KLHL29: variants seen among roughly 807,000 people sequenced by gnomAD.
KLHL29 encodes kelch like family member 29, also known as kelch-like protein 29.
A neutral mutation model predicts 80.4 loss-of-function variants in KLHL29; 21 were observed. The observed-to-expected ratio is 0.26, with a 90% confidence interval of 0.19 to 0.38. The LOEUF (loss-of-function observed/expected upper bound fraction) is 0.38, where lower values mean the gene tolerates loss of function less well. Among genes scored for constraint, KLHL29 ranks in the 10% least tolerant of loss-of-function variants. KLHL29 has a pLI of 1.00. For missense variants in KLHL29, 867 were observed against 1,223.9 expected (o/e 0.71, Z 4.35); for synonymous variants, 511 against 526.8 (o/e 0.97, Z 0.41).
intron 1 of KLHL29, among the ~76,000 whole-genome samples, chr2:23,394,191 A>G (rs186059787): frequency 3.2e-4 from 48 of 152,286 alleles, no homozygotes; most frequent in Non-Finnish European, 6.3e-4. Context: ...CAAAAAACAA[A>G]AACAATCTTC....
intron 3 of KLHL29, among the ~76,000 whole-genome samples, chr2:23,567,998 G>T (rs964005475): frequency 6.6e-6 from 1 of 152,196 alleles, no homozygotes; most frequent in African/African-American, 2.4e-5. Flanking sequence ...CAGTTTGATT[G>T]TGTATTCATT....
At chr2:23,575,960 G>A (rs1158818104) in intron 3 of KLHL29, among the ~76,000 whole-genome samples, 1 of 152,226 alleles carries the variant, frequency 6.6e-6, no homozygotes, top group African/African-American at 2.4e-5. Flanking sequence ...GAGCTGGGCT[G>A]AAAGTGAGGC....
At position 23,672,821 on chromosome 2, in the gene KLHL29, C is replaced by T. The variant is rs146614631; in HGVS notation, c.941-11578C>T. 1,366 of 152,418 alleles carry T rather than the reference C, an allele frequency of 9.0e-3. 11 individuals carry two copies. Among genetic ancestry groups the T allele is most frequent in the South Asian group, 0.017 (84 of 4,818 alleles). The allele number at this position is 152,418 out of a possible 1,614,324, so 9.4% of individuals were successfully genotyped here. A position where few individuals can be genotyped will look rare whatever the true frequency, so the allele number is the denominator to read the frequency against. On this transcript the variant is annotated intron_variant, in intron 5 of 13. Coordinates refer to ENST00000486442, the MANE Select transcript of KLHL29 (RefSeq NM_052920.2). ...TTGCCTACGGCCTGGGAAATTCAGACGAGGGGTCAGAAAGGGCTGGAATGG... is the reference window on the plus strand; with the variant it reads ...TTGCCTACGGCCTGGGAAATTCAGATGAGGGGTCAGAAAGGGCTGGAATGG...
chr2:23,606,779 C>T (rs1668738693), intron 3 of KLHL29, among the ~76,000 whole-genome samples: 1 of 152,220 alleles, frequency 6.6e-6, no homozygotes, highest in African/African-American at 2.4e-5. Context: ...CACTCAATGG[C>T]AGGCACTGTC....
chr2:23,405,774 C>T (rs1300447963), intron 1 of KLHL29, among the ~76,000 whole-genome samples: 3 of 152,132 alleles, frequency 2.0e-5, no homozygotes, highest in Middle Eastern at 3.2e-3. Context: ...TTTCTGAAGC[C>T]AGGAGTCAAG....
chr2:23,526,408 G>A (rs954463534), intron 2 of KLHL29, among the ~76,000 whole-genome samples: 2 of 152,238 alleles, frequency 1.3e-5, no homozygotes, highest in Admixed American at 6.5e-5. Context: ...ACTAAGGAAC[G>A]CCGAGGAGGC....
chr2:23,523,879 T>G, intron 2 of KLHL29: 1 of 415,174 alleles, frequency 2.4e-6, no homozygotes, highest in South Asian at 1.8e-5. Flanking sequence ...CTGTTTGTAC[T>G]GCTTGGACTT....
chr2:23,599,262 C>T (rs375668864), intron 3 of KLHL29, among the ~76,000 whole-genome samples: 32 of 152,204 alleles, frequency 2.1e-4, no homozygotes, highest in African/African-American at 7.5e-4. Flanking sequence ...ATGCCCTGGT[C>T]CCTGTTTCTT....
rs565335304 is a variant in KLHL29 at position 23,706,859 on chromosome 2, G to A, written c.*195G>A. Reference sequence around the variant, plus strand: ...CCTTTGGATGAAACGGAGGCACCGCGCTTGGAGCCGCAGGAACCACGATCC... The same window carrying A: ...CCTTTGGATGAAACGGAGGCACCGCACTTGGAGCCGCAGGAACCACGATCC... On this transcript the variant is annotated 3_prime_UTR_variant, in exon 14 of 14. Coordinates refer to ENST00000486442, the MANE Select transcript of KLHL29 (RefSeq NM_052920.2). 8 of 505,982 alleles carry A rather than the reference G, an allele frequency of 1.6e-5. No homozygotes were observed. The highest frequency in any genetic ancestry group is 2.3e-5 in the Non-Finnish European group (7 of 298,166). The allele number at this position is 505,982 out of a possible 1,614,324, so 31.3% of individuals were successfully genotyped here.
chr2:23,490,746 C>A (rs1314635566), intron 2 of KLHL29, among the ~76,000 whole-genome samples: 2 of 152,146 alleles, frequency 1.3e-5, no homozygotes, highest in African/African-American at 4.8e-5. Context: ...AGTATTAATG[C>A]TGGTTCATAC....
rs1308060703 is a variant in KLHL29, at chr2:23,539,412, T to TGCTA, written c.-45-22737_-45-22734dup. Among the ~76,000 whole-genome samples the TGCTA allele has an allele frequency of 4.6e-5, 7 of 151,536 alleles. No individual in the cohort carries two copies. The East Asian group carries it at 1.4e-3, about 29-fold the overall frequency. ...TAATCCTAGCAGACTGATGATGCTT[T>TGCTA]GCTAGCCTTATCCTGCCTCCTTTTT... On this transcript the variant is annotated intron_variant, in intron 2 of 13. Transcript: ENST00000486442.
chr2:23,631,657 A>G (rs1252995772), intron 3 of KLHL29, among the ~76,000 whole-genome samples: 2 of 152,214 alleles, frequency 1.3e-5, no homozygotes, highest in Non-Finnish European at 2.9e-5. Flanking sequence ...AACTGCGATT[A>G]TCTTCTCATT....
chr2:23,455,605 A>ATTT (rs397873479), intron 1 of KLHL29, among the ~76,000 whole-genome samples: 218 of 105,944 alleles, frequency 2.1e-3, no homozygotes, highest in Non-Finnish European at 2.9e-3. Context: ...TGGTCTCCTG[A>ATTT]TTTTTTTTTT....
chr2:23,439,227 G>A (rs1232872107), intron 1 of KLHL29, among the ~76,000 whole-genome samples: 2 of 151,804 alleles, frequency 1.3e-5, no homozygotes, highest in East Asian at 1.9e-4. Context: ...CTTGCTAGTG[G>A]TCTATCAATT....
chr2:23,602,608 C>T (rs941847692), intron 3 of KLHL29, among the ~76,000 whole-genome samples: 6 of 138,050 alleles, frequency 4.3e-5, no homozygotes, highest in Non-Finnish European at 6.2e-5. Context: ...AGCTGCTCTA[C>T]GTGAATTTTT....
At chr2:23,436,280 T>TTGTGTGTGTGTGAGTG (rs1663339017) in intron 1 of KLHL29, among the ~76,000 whole-genome samples, 1 of 136,946 alleles carries the variant, frequency 7.3e-6, no homozygotes, top group Non-Finnish European at 1.6e-5. Flanking sequence ...CCAATCAGCT[T>TTGTGTGTGTGTGAGTG]TGTGTGTGTG....
chr2:23,562,455 A>G lies in KLHL29; in HGVS notation c.259A>G (p.Ser87Gly). 6.5e-7 allele frequency: 1 copy of G among 1,536,466 alleles called. No individual in the cohort carries two copies. Among genetic ancestry groups the G allele is most frequent in the Non-Finnish European group, 8.7e-7 (1 of 1,146,750 alleles). The change falls in exon 3 of 14, where the codon AGC becomes GGC. Residue 87 changes from serine (S) to glycine (G), a missense_variant. By Grantham distance (56) the Ser-to-Gly change is moderately conservative. Coordinates refer to ENST00000486442, the MANE Select transcript of KLHL29 (RefSeq NM_052920.2). This position sits in a 1 kb window ranked among gnomAD's most constrained non-coding sequence, Gnocchi z 4.5. ...CGAGGCCATCACCAGCCTCGTGGCC[A>G]GCTCTGCGTCTGCGGTCACCACCAA... ...SSEAITSLVA[S>G]SASAVTTKAP... is the part of the protein sequence containing the mutation.
intron 1 of KLHL29, among the ~76,000 whole-genome samples, chr2:23,465,990 T>C (rs1035596420): frequency 1.3e-5 from 2 of 151,746 alleles, no homozygotes; most frequent in African/African-American, 2.4e-5. Context: ...GAGGTGACGG[T>C]GTTCATCTCA....
chr2:23,400,841 T>C (rs1044079860), intron 1 of KLHL29, among the ~76,000 whole-genome samples: 1 of 152,076 alleles, frequency 6.6e-6, no homozygotes, highest in Non-Finnish European at 1.5e-5. Context: ...CTCTAAGTGG[T>C]ATGGGAGGGG....
Sources: gnomAD v4.1 joint callset for allele counts (sites outside exome capture counted in the v4.1 genomes callset) on GRCh38, gnomAD v4.1.1 for gene constraint, Gnocchi (gnomAD v3.1) non-coding constraint, MANE v1.5 for transcripts, NCBI Gene and HGNC (gene_info 2026-07-23, HGNC 2026-07-21) for gene names.